The following TMCO4 variants were observed in gnomAD, a reference collection of about 807,000 sequenced individuals.
TMCO4 encodes the protein transmembrane and coiled-coil domain-containing protein 4.
TMCO4 carries 58 observed loss-of-function variants against 64.7 expected under a neutral mutation model. The ratio of observed to expected loss-of-function variants is 0.90; its 90% CI spans 0.73 to 1.12. The LOEUF is 1.12. Among genes scored for constraint, TMCO4 ranks in the 50% most tolerant of loss-of-function variants. TMCO4 has a pLI of 0.00. For synonymous variants in TMCO4, 325 were observed against 346.1 expected, an observed-to-expected ratio of 0.94 and a Z score of 0.68; for missense variants, 780 against 825.9, an observed-to-expected ratio of 0.94 and a Z score of 0.68.
chr1:19,770,028 G>A (rs2042915613), intron 6 of TMCO4, among the ~76,000 whole-genome samples: 1 of 152,258 alleles, frequency 6.6e-6, no homozygotes, highest in African/African-American at 2.4e-5. Flanking sequence ...GCAGGACAAG[G>A]GTCAGCCCAC....
chr1:19,698,149 C>T (rs557057222), intron 14 of TMCO4, among the ~76,000 whole-genome samples: 1 of 152,334 alleles, frequency 6.6e-6, no homozygotes, highest in South Asian at 2.1e-4. Flanking sequence ...CAACTGCCAC[C>T]TGCTGAAGGC....
At chr1:19,693,078 C>A (rs2095209649) in intron 15 of TMCO4, among the ~76,000 whole-genome samples, 1 of 139,524 alleles carries the variant, frequency 7.2e-6, no homozygotes, top group Non-Finnish European at 1.5e-5. Context: ...GAGGCTGGGG[C>A]AGGAAGATCA....
At chr1:19,740,591 C>T (rs1027464252) in intron 11 of TMCO4, among the ~76,000 whole-genome samples, 186 bp downstream of exon 11, 2 of 152,198 alleles carry the variant, frequency 1.3e-5, no homozygotes, top group Non-Finnish European at 2.9e-5. Context: ...TGGCTGTTTA[C>T]CTGTCTTCTC....
At chr1:19,771,687 G>A (rs761218279) in intron 4 of TMCO4, among the ~76,000 whole-genome samples, 9 of 152,052 alleles carry the variant, frequency 5.9e-5, no homozygotes, top group South Asian at 2.1e-4. Flanking sequence ...ATGGAGTTTC[G>A]CTCTTGTTGC....
chr1:19,724,494 A>G (rs1166748731), intron 13 of TMCO4, among the ~76,000 whole-genome samples: 5 of 152,218 alleles, frequency 3.3e-5, no homozygotes, highest in African/African-American at 9.6e-5. Flanking sequence ...GGGAAAATCA[A>G]TAACTATATC....
intron 7 of TMCO4, among the ~76,000 whole-genome samples, chr1:19,751,543 G>C (rs901717262): frequency 6.6e-6 from 1 of 152,184 alleles, no homozygotes; most frequent in Non-Finnish European, 1.5e-5. Context: ...GCTGCAGTGA[G>C]CCTCTGCTGC....
intron 3 of TMCO4, among the ~76,000 whole-genome samples, chr1:19,783,617 C>T (rs1207818056): frequency 6.6e-6 from 1 of 152,184 alleles, no homozygotes; most frequent in Admixed American, 6.5e-5. Context: ...CTTATAACTA[C>T]CATGTAAAGT....
intron 6 of TMCO4, among the ~76,000 whole-genome samples, chr1:19,766,058 T>C (rs1326954679): frequency 6.6e-6 from 1 of 151,610 alleles, no homozygotes; most frequent in African/African-American, 2.4e-5. Flanking sequence ...AAGTACCAAG[T>C]GTCCACCATG....
At chr1:19,709,802 T>G (rs1331220026) in intron 13 of TMCO4, among the ~76,000 whole-genome samples, 1 of 151,870 alleles carries the variant, frequency 6.6e-6, no homozygotes, top group African/African-American at 2.4e-5. Context: ...TTCTTTTTTT[T>G]TTTTAGACAG....
At chr1:19,770,926 G>A (rs995849300) in intron 5 of TMCO4, among the ~76,000 whole-genome samples, 1 of 152,228 alleles carries the variant, frequency 6.6e-6, no homozygotes, top group Non-Finnish European at 1.5e-5. Context: ...TTAGAAGAAT[G>A]CGGGCTCTGG....
chr1:19,737,544 T>C (rs781773391), intron 12 of TMCO4, 88 bp from the exon 13 acceptor site: 10 of 1,155,254 alleles, frequency 8.7e-6, no homozygotes, highest in Non-Finnish European at 1.3e-5. Flanking sequence ...CTTTGCACAT[T>C]CCTTACCACC....
chr1:19,761,228 G>A (rs764436190), intron 6 of TMCO4, among the ~76,000 whole-genome samples: 2 of 152,140 alleles, frequency 1.3e-5, no homozygotes, highest in African/African-American at 2.4e-5. Flanking sequence ...CCCATTCCCC[G>A]CACCATGAAG....
intron 3 of TMCO4, among the ~76,000 whole-genome samples, chr1:19,782,441 C>T (rs1230887470): frequency 4.6e-5 from 7 of 152,140 alleles, no homozygotes; most frequent in Non-Finnish European, 7.4e-5. Context: ...AGGAAATGAT[C>T]TCTATCTTGA....
At chr1:19,709,156 C>G (rs12759415) in intron 13 of TMCO4, among the ~76,000 whole-genome samples, 53,549 of 152,064 alleles carry the variant, frequency 0.35, 10,366 homozygotes, top group Non-Finnish European at 0.44. Flanking sequence ...CTTAAAGGAG[C>G]CTGTTTGGAC....
intron 3 of TMCO4, among the ~76,000 whole-genome samples, chr1:19,781,634 GAACT>G (rs1350892023): frequency 6.7e-6 from 1 of 149,024 alleles, no homozygotes; most frequent in Non-Finnish European, 1.5e-5. Flanking sequence ...AGAGCAAACA[GAACT>G]TTCTTTTTTT....
rs544904025 is a variant in TMCO4 at position 19,790,827 on chromosome 1, T to A, written c.-100-3710A>T. ...TACTGGGTACATACCCAAAGGAATGTAAATCATTCTATTACAAAGATACCT... is the reference window on the plus strand; with the variant it reads ...TACTGGGTACATACCCAAAGGAATGAAAATCATTCTATTACAAAGATACCT... On this transcript the variant is annotated intron_variant, in intron 2 of 15. Coordinates refer to ENST00000294543, the MANE Select transcript of TMCO4 (RefSeq NM_181719.7). Among the ~76,000 whole-genome samples, 5 of 152,314 alleles carry A rather than the reference T, an allele frequency of 3.3e-5. No individual in the cohort carries two copies. In the South Asian group the frequency reaches 1.0e-3, roughly 32 times the overall value.
chr1:19,784,305 G>A lies in TMCO4; in HGVS notation c.-9+2721C>T, dbSNP rs559916559. ...TCCCAGCACTTTGGGAGGCCGAGGC[G>A]GGTGGATCACTTGAGGTCAAGAGTT... On this transcript the variant is annotated intron_variant, in intron 3 of 15. Transcript: ENST00000294543. Among the ~76,000 whole-genome samples the A allele has an allele frequency of 3.7e-4, 57 of 152,194 alleles. No individual in the cohort carries two copies. In the South Asian group the frequency reaches 5.0e-3, roughly 13 times the overall value.
chr1:19,721,947 A>G (rs2095386332), intron 13 of TMCO4, among the ~76,000 whole-genome samples: 1 of 152,180 alleles, frequency 6.6e-6, no homozygotes, highest in East Asian at 1.9e-4. Flanking sequence ...GGCTCATCTC[A>G]TTGCACATTC....
At chr1:19,685,441 C>T (rs922605355) in intron 15 of TMCO4, among the ~76,000 whole-genome samples, 7 of 152,208 alleles carry the variant, frequency 4.6e-5, no homozygotes, top group Non-Finnish European at 1.0e-4. Context: ...CAGAGTCATA[C>T]GTTCATCCCA....
Sources: gnomAD v4.1 joint callset for allele counts (sites outside exome capture counted in the v4.1 genomes callset) on GRCh38, gnomAD v4.1.1 for gene constraint, MANE v1.5 for transcripts, NCBI Gene and HGNC (gene_info 2026-07-23, HGNC 2026-07-21) for gene names.